Variants in SGIP1 observed in about 807,000 individuals in gnomAD.
The protein encoded by SGIP1 is SH3GL interacting endocytic adaptor 1.
Under a neutral mutation model 107.5 loss-of-function variants are expected in SGIP1, and 38 were observed. The ratio of observed to expected loss-of-function variants is 0.35; its 90% confidence interval spans 0.27 to 0.46. The LOEUF (loss-of-function observed/expected upper bound fraction) is 0.46. Ranked by LOEUF, SGIP1 falls within the 20% of genes least tolerant of loss-of-function variation. The probability of loss-of-function intolerance (pLI) is 1.00; values close to 1 mark genes in which losing one functional copy is unlikely to be tolerated. For synonymous variants in SGIP1, 365 were observed against 366.1 expected, an observed-to-expected ratio of 1.00 and a Z score of 0.03; for missense variants, 929 against 1,019.5, an observed-to-expected ratio of 0.91 and a Z score of 1.21.
chr1:66,703,727 A>T lies in SGIP1; in HGVS notation c.1630+8234A>T, dbSNP rs576923319. Among the ~76,000 whole-genome samples, 6 of 151,254 alleles carry T rather than the reference A, an allele frequency of 4.0e-5. No individual in the cohort carries two copies. In the East Asian group the frequency reaches 1.2e-3, roughly 29 times the overall value. ...ATCTATATCATATATATTATATATG[A>T]TCATAACCTACAGTATGATATATAT... On this transcript the variant is annotated intron_variant, in intron 18 of 24. Coordinates refer to ENST00000371037, the MANE Select transcript of SGIP1 (RefSeq NM_032291.4).
intron 1 of SGIP1, among the ~76,000 whole-genome samples, chr1:66,540,607 T>C (rs570646791): frequency 6.6e-6 from 1 of 152,296 alleles, no homozygotes; most frequent in Non-Finnish European, 1.5e-5. Context: ...GAGTGTAATG[T>C]TGTTCGGTGT....
intron 1 of SGIP1, among the ~76,000 whole-genome samples, chr1:66,561,569 T>C (rs2058954835): frequency 6.6e-6 from 1 of 152,046 alleles, no homozygotes; most frequent in Non-Finnish European, 1.5e-5. Context: ...AGCACTCTCA[T>C]ATTGAACTGA....
At chr1:66,542,128 G>A (rs2055112755) in intron 1 of SGIP1, among the ~76,000 whole-genome samples, 1 of 151,764 alleles carries the variant, frequency 6.6e-6, no homozygotes, top group African/African-American at 2.4e-5. Context: ...ATGAGATAAA[G>A]ATGATTTATA....
chr1:66,633,106 A>G lies in SGIP1; in HGVS notation c.99+12A>G. On this transcript the variant is annotated intron_variant, in intron 3 of 24. Transcript: ENST00000371037. The stretch of plus-strand genomic sequence containing the variant: ...ATAGAGATGGAATTGTAAGTATTTA[A>G]ATAACCATTTTTACTGAGTTTGTGC... 1 of 1,518,470 alleles carries G rather than the reference A, an allele frequency of 6.6e-7. No homozygotes were observed. The highest frequency in any genetic ancestry group is 9.1e-7 in the Non-Finnish European group (1 of 1,094,954). 94.1% of individuals were successfully genotyped at this position (1,518,470 alleles called of 1,614,324 possible).
chr1:66,684,172 C>A lies in SGIP1; in HGVS notation c.1315+1803C>A, dbSNP rs770346966. 12 of 1,550,596 alleles carry A rather than the reference C, an allele frequency of 7.7e-6. No homozygotes were observed. In the South Asian group the frequency reaches 1.2e-4, roughly 15 times the overall value. On this transcript the variant is annotated intron_variant, in intron 15 of 24. Transcript: ENST00000371037. ...AAGTTTACAAGCTGGAGGCAATGAACTGGATTCATACTCAGGTCTGTCTGA... is the reference window on the plus strand; with the variant it reads ...AAGTTTACAAGCTGGAGGCAATGAAATGGATTCATACTCAGGTCTGTCTGA...
chr1:66,638,090 T>C (rs936097607), intron 4 of SGIP1, among the ~76,000 whole-genome samples: 3 of 152,110 alleles, frequency 2.0e-5, no homozygotes, highest in Admixed American at 2.0e-4. Flanking sequence ...TTTGATCTCC[T>C]ATCAATATAA....
intron 1 of SGIP1, among the ~76,000 whole-genome samples, chr1:66,621,436 A>G (rs919708041): frequency 6.6e-6 from 1 of 152,086 alleles, no homozygotes; most frequent in Admixed American, 6.5e-5. Context: ...CTTTTTTATC[A>G]TGGTAAAATA....
At chr1:66,601,166 A>T (rs1156239499) in intron 1 of SGIP1, among the ~76,000 whole-genome samples, 2 of 152,180 alleles carry the variant, frequency 1.3e-5, no homozygotes, top group Non-Finnish European at 2.9e-5. Flanking sequence ...GATCGAGACC[A>T]TACTGGAGAA....
At chr1:66,694,325 T>G (rs988298975) in intron 17 of SGIP1, 11 of 854,608 alleles carry the variant, frequency 1.3e-5, no homozygotes, top group Non-Finnish European at 1.8e-5. Flanking sequence ...TTTGTTTCCT[T>G]TTTCCACTAA....
intron 1 of SGIP1, among the ~76,000 whole-genome samples, chr1:66,602,466 ACTT>A (rs1382004930): frequency 2.0e-5 from 3 of 152,144 alleles, no homozygotes; most frequent in African/African-American, 7.2e-5. Flanking sequence ...AACCCCGGGA[ACTT>A]CTTCTAGAGA....
chr1:66,673,899 G>A (rs2084515830), intron 12 of SGIP1, among the ~76,000 whole-genome samples: 1 of 152,110 alleles, frequency 6.6e-6, no homozygotes, highest in Admixed American at 6.6e-5. Flanking sequence ...CAGGTGTGGT[G>A]GTTCACTCCC....
chr1:66,590,579 T>A (rs1317996397), intron 1 of SGIP1: 2 of 152,148 alleles, frequency 1.3e-5, no homozygotes. Flanking sequence ...TTGCCAAAAC[T>A]TGGAAGCAAC....
intron 10 of SGIP1, 145 bp downstream of exon 10, chr1:66,671,164 A>G: frequency 2.5e-6 from 1 of 404,652 alleles, no homozygotes; most frequent in East Asian, 3.5e-5. Flanking sequence ...ACAGCAAAGA[A>G]TTCTTGTAAT....
chr1:66,536,631 TA>T (rs1476010152), intron 1 of SGIP1, among the ~76,000 whole-genome samples: 1 of 152,198 alleles, frequency 6.6e-6, no homozygotes, highest in East Asian at 1.9e-4. Flanking sequence ...TCTACCACAA[TA>T]ACCTTGGAAA....
chr1:66,571,216 G>T (rs551158609), intron 1 of SGIP1, among the ~76,000 whole-genome samples: 1 of 152,004 alleles, frequency 6.6e-6, no homozygotes, highest in Non-Finnish European at 1.5e-5. Context: ...GACAAATGGA[G>T]TATATGAAAA....
At chr1:66,623,709 T>A (rs1265488480) in intron 1 of SGIP1, among the ~76,000 whole-genome samples, 1 of 152,216 alleles carries the variant, frequency 6.6e-6, no homozygotes, top group East Asian at 1.9e-4. Flanking sequence ...AGGCATGGCA[T>A]TTTGTGAAGG....
At chr1:66,625,937 C>A in intron 2 of SGIP1, 27 bp downstream of exon 2, 1 of 1,587,980 alleles carries the variant, frequency 6.3e-7, no homozygotes, top group South Asian at 1.1e-5. Flanking sequence ...TTTGCCTCCT[C>A]GAAGAAGCTA....
At chr1:66,597,071 A>G (rs1475537988) in intron 1 of SGIP1, among the ~76,000 whole-genome samples, 2 of 152,236 alleles carry the variant, frequency 1.3e-5, no homozygotes, top group African/African-American at 4.8e-5. Flanking sequence ...ATTTTAGTAC[A>G]TGTGCAGGTT....
In SGIP1 at chr1:66,668,769, T is replaced by G. The variant is rs537331189; in HGVS notation, c.483+1228T>G. Among the ~76,000 whole-genome samples, 6 of 152,360 alleles carry G rather than the reference T, an allele frequency of 3.9e-5. No individual in the cohort carries two copies. The South Asian group carries it at 1.2e-3, about 32-fold the overall frequency. On this transcript the variant is annotated intron_variant, in intron 9 of 24. Coordinates refer to ENST00000371037, the MANE Select transcript of SGIP1 (RefSeq NM_032291.4). Reference sequence around the variant, plus strand: ...AATCTACGGATGATTCCAACCCAGCTGTTAAGTGACATCACAGATTATGAA... The same window carrying G: ...AATCTACGGATGATTCCAACCCAGCGGTTAAGTGACATCACAGATTATGAA...
Sources: gnomAD v4.1 joint callset for allele counts (sites outside exome capture counted in the v4.1 genomes callset) on GRCh38, gnomAD v4.1.1 for gene constraint, MANE v1.5 for transcripts, NCBI Gene and HGNC (gene_info 2026-07-23, HGNC 2026-07-21) for gene names.